PXN: variants seen among roughly 807,000 people sequenced by gnomAD.
The protein encoded by PXN is testicular tissue protein Li 134.
PXN carries 61 observed loss-of-function variants against 103.6 expected under a neutral mutation model. The ratio of observed to expected loss-of-function variants is 0.59; its 90% CI spans 0.48 to 0.73. The LOEUF (loss-of-function observed/expected upper bound fraction) is 0.73. Ranked by LOEUF, PXN falls within the 30% of genes least tolerant of loss-of-function variation. PXN has a pLI of 0.00. For missense variants in PXN, 1,274 were observed against 1,460.3 expected, an observed-to-expected ratio of 0.87 and a Z score of 2.08; for synonymous variants, 562 against 607.8, an observed-to-expected ratio of 0.92 and a Z score of 1.11.
In PXN at chr12:120,215,788, C is replaced by A; in HGVS notation, c.2302-127G>T. ...GAGGGTTTCTCCCCCACCGGCAGGA[C>A]CAAAATTGGGGGAAAAAATCTGGAG... is the stretch of plus-strand genomic sequence containing the variant. On this transcript the variant is annotated intron_variant, in intron 9 of 14. Coordinates refer to ENST00000637617, the MANE Select transcript of PXN (RefSeq NM_001385981.1). This position sits in a 1 kb window ranked among gnomAD's most constrained non-coding sequence, Gnocchi z 4.9. 2 of 1,283,806 alleles carry A rather than the reference C, an allele frequency of 1.6e-6. No individual in the cohort carries two copies. The highest frequency in any genetic ancestry group is 2.8e-5 in the East Asian group (1 of 36,104). The allele number at this position is 1,283,806 out of a possible 1,614,324, so 79.5% of individuals were successfully genotyped here.
rs186499466 is a variant in PXN at position 120,212,348 on chromosome 12, T to A, written c.3212A>T (p.Tyr1071Phe). ...GAGCTTGAGGAAGCAGTTCTGACAG[T>A]AAGGCTTGTCGTTCTGCTCCTTGAA... ...GTFKEQNDKP[Y>F]CQNCFLKLFC The change falls in exon 15 of 15, where the codon TAC becomes TTC. Residue 1071 changes from tyrosine (Y) to phenylalanine (F), a missense_variant. This residue lies in a region of PXN where 96 missense variants were observed against 151.3 expected (regional missense o/e 0.63). Coordinates refer to ENST00000637617, the MANE Select transcript of PXN (RefSeq NM_001385981.1). This position sits in a 1 kb window ranked among gnomAD's most constrained non-coding sequence, Gnocchi z 7.2. 3 of 1,613,908 alleles carry A rather than the reference T, an allele frequency of 1.9e-6. No individual in the cohort carries two copies. Among genetic ancestry groups the A allele is most frequent in the Non-Finnish European group, 2.5e-6 (3 of 1,179,878 alleles).
rs571058484 is a variant in PXN, at chr12:120,212,992, G to A, written c.2980-412C>T. On this transcript the variant is annotated intron_variant, in intron 14 of 14. Coordinates refer to ENST00000637617, the MANE Select transcript of PXN (RefSeq NM_001385981.1). The surrounding 1 kb of genome is among the most constrained non-coding windows in gnomAD (Gnocchi z 7.2). ...AGCACTTAGCCAGGTGGCTGTAACA[G>A]TGTTCCCAGAAACACAGGTGTGACA... 6.1e-6 allele frequency: 1 copy of A among 165,016 alleles called. No individual in the cohort carries two copies. Among genetic ancestry groups the A allele is most frequent in the East Asian group, 1.8e-4 (1 of 5,644 alleles). 10.2% of individuals were successfully genotyped at this position (165,016 alleles called of 1,614,324 possible). A position where few individuals can be genotyped will look rare whatever the true frequency, so the allele number is the denominator to read the frequency against.
chr12:120,236,473 G>T (rs1426269584), intron 1 of PXN, among the ~76,000 whole-genome samples: 2 of 146,948 alleles, frequency 1.4e-5, no homozygotes, highest in East Asian at 4.2e-4. Flanking sequence ...ATGCCCAGAT[G>T]ATCTTTTTTT....
chr12:120,250,986 T>C (rs1323521245), intron 1 of PXN, among the ~76,000 whole-genome samples: 1 of 152,112 alleles, frequency 6.6e-6, no homozygotes, highest in Admixed American at 6.5e-5. Flanking sequence ...AGCAGATCAC[T>C]TGAGGCCAGG....
intron 1 of PXN, among the ~76,000 whole-genome samples, chr12:120,255,625 C>T (rs1892876771): frequency 6.6e-6 from 1 of 151,850 alleles, no homozygotes; most frequent in Admixed American, 6.6e-5. Flanking sequence ...ACCCGGGAGG[C>T]GGAGGTTGCA....
chr12:120,216,634 C>T lies in PXN; in HGVS notation c.1993-53G>A. On this transcript the variant is annotated intron_variant, in intron 8 of 14. Transcript: ENST00000637617. This position sits in a 1 kb window ranked among gnomAD's most constrained non-coding sequence, Gnocchi z 5.1. ...TGAGGAAGAAATCGCCAGCTCAGCC[C>T]ACAGGGGTGGCGGGACCTCCCCAGG... The T allele has an allele frequency of 6.5e-7, 1 of 1,542,794 alleles. No individual in the cohort carries two copies. The highest frequency in any genetic ancestry group is 8.6e-7 in the Non-Finnish European group (1 of 1,161,824).
At chr12:120,245,012 AT>A (rs1462606797) in intron 1 of PXN, among the ~76,000 whole-genome samples, 5 of 151,868 alleles carry the variant, frequency 3.3e-5, no homozygotes, top group Non-Finnish European at 7.4e-5. Flanking sequence ...GGCTCAGGGC[AT>A]AGGAATGAGG....
chr12:120,263,612 A>G (rs143407620), intron 1 of PXN, among the ~76,000 whole-genome samples: 54 of 152,332 alleles, frequency 3.5e-4, no homozygotes, highest in African/African-American at 1.2e-3. Context: ...GGCTTTCTCA[A>G]TCTGTAAAAA....
At chr12:120,241,861 C>G (rs951782063) in intron 1 of PXN, among the ~76,000 whole-genome samples, 1 of 152,198 alleles carries the variant, frequency 6.6e-6, no homozygotes, top group Admixed American at 6.5e-5. Context: ...TTACATCACT[C>G]AGGCAGGGGA....
At position 120,213,479 on chromosome 12, in the gene PXN, C is replaced by T. The variant is rs1322620594; in HGVS notation, c.2979+363G>A. Among the ~76,000 whole-genome samples, 2 of 152,252 alleles carry T rather than the reference C, an allele frequency of 1.3e-5. No individual in the cohort carries two copies. The highest frequency in any genetic ancestry group is 2.4e-5 in the African/African-American group (1 of 41,474). On this transcript the variant is annotated intron_variant, in intron 14 of 14. Transcript: ENST00000637617. This position sits in a 1 kb window ranked among gnomAD's most constrained non-coding sequence, Gnocchi z 4.2. ...GAGCCCTTGTTGAATCATTAATAAC[C>T]CCTGTGGGGCCCCCAGAATGCAGTG...
At position 120,211,438 on chromosome 12, in the gene PXN, G is replaced by A. The variant is rs1449128145; in HGVS notation, c.*876C>T. On this transcript the variant is annotated 3_prime_UTR_variant, in exon 15 of 15. Coordinates refer to ENST00000637617, the MANE Select transcript of PXN (RefSeq NM_001385981.1). ...AATTGCTTCCCCACCCCAACCCTCA[G>A]TACAAAGCAAACTTCACACCAGAGC... 2 of 163,120 alleles carry A rather than the reference G, an allele frequency of 1.2e-5. No individual in the cohort carries two copies. Among genetic ancestry groups the A allele is most frequent in the East Asian group, 1.7e-4 (1 of 5,736 alleles). The allele number at this position is 163,120 out of a possible 1,614,324, so 10.1% of individuals were successfully genotyped here.
At chr12:120,226,323 T>C (rs1221530928) in intron 1 of PXN, 3 of 1,289,206 alleles carry the variant, frequency 2.3e-6, no homozygotes, top group Non-Finnish European at 3.0e-6. Context: ...GCTGCCATCC[T>C]TGAAGGCCCA....
rs1882512011 is a variant in PXN, at chr12:120,215,489, C to T, written c.2403+71G>A. ...CCACCAGGGTCGGAAAGGCTGAGGGCACCCAGCAGGCATGGCCAAGCCCAG... is the reference window on the plus strand; with the variant it reads ...CCACCAGGGTCGGAAAGGCTGAGGGTACCCAGCAGGCATGGCCAAGCCCAG... On this transcript the variant is annotated intron_variant, in intron 10 of 14. Transcript: ENST00000637617. The surrounding 1 kb of genome is among the most constrained non-coding windows in gnomAD (Gnocchi z 4.9). 3.3e-6 allele frequency: 5 copies of T among 1,508,714 alleles called. No homozygotes were observed. The highest frequency in any genetic ancestry group is 1.8e-4 in the Middle Eastern group (1 of 5,534). 93.5% of individuals were successfully genotyped at this position (1,508,714 alleles called of 1,614,324 possible). A position where few individuals can be genotyped will look rare whatever the true frequency, so the allele number is the denominator to read the frequency against.
Position 120,219,574 on chromosome 12 carries a change from G to A in PXN, c.1349C>T (p.Pro450Leu), listed in dbSNP as rs139275520. The A allele has an allele frequency of 1.3e-3, 2,032 of 1,572,158 alleles. 44 individuals are homozygous for A. In the East Asian group the frequency reaches 0.036, roughly 28 times the overall value. The part of the protein sequence containing the change: ...ASEVFGPERM[P>L]PSGAARSFQE... Reference sequence around the variant, plus strand: ...GAAGCTTCGAGCAGCTCCAGAGGGGGGCATTCTCTCAGGCCCGAATACCTC... The same window carrying A: ...GAAGCTTCGAGCAGCTCCAGAGGGGAGCATTCTCTCAGGCCCGAATACCTC... Residue 450 changes from proline (P) to leucine (L), a missense_variant, in exon 7 of 15, where the codon CCC becomes CTC. Pro to Leu is a moderately conservative substitution (Grantham distance 98, BLOSUM62 -3). Transcript: ENST00000637617. This position sits in a 1 kb window ranked among gnomAD's most constrained non-coding sequence, Gnocchi z 6.5.
rs1241615876 is a variant in PXN at position 120,265,221 on chromosome 12, G to A, written c.13+396C>T. Among the ~76,000 whole-genome samples the A allele has an allele frequency of 1.3e-5, 2 of 151,896 alleles. No individual in the cohort carries two copies. Among genetic ancestry groups the A allele is most frequent in the Admixed American group, 1.3e-4 (2 of 15,268 alleles). On this transcript the variant is annotated intron_variant, in intron 1 of 14. Transcript: ENST00000637617. The surrounding 1 kb of genome is among the most constrained non-coding windows in gnomAD (Gnocchi z 5.7). The stretch of plus-strand genomic sequence containing the variant: ...GGCGGTCGATCTGTGAGGTGGGGGT[G>A]GGGAGAGGTCTGCGAGGTGAGGGTC...
chr12:120,253,905 G>T (rs113742354), intron 1 of PXN, among the ~76,000 whole-genome samples: 1 of 151,894 alleles, frequency 6.6e-6, no homozygotes, highest in Non-Finnish European at 1.5e-5. Context: ...TTTTGAGATC[G>T]AGTCTTTCTC....
chr12:120,236,643 A>T (rs1889119136), intron 1 of PXN, among the ~76,000 whole-genome samples: 1 of 151,508 alleles, frequency 6.6e-6, no homozygotes, highest in Non-Finnish European at 1.5e-5. Flanking sequence ...CACCCAGCTA[A>T]TTTTTGTATT....
chr12:120,252,423 C>G (rs1186459098), intron 1 of PXN, among the ~76,000 whole-genome samples: 1 of 152,006 alleles, frequency 6.6e-6, no homozygotes, highest in East Asian at 1.9e-4. Flanking sequence ...GGGAAAAAAG[C>G]CTTCTCAAAA....
In PXN at chr12:120,221,008, C is replaced by T. The variant is rs1415472848; in HGVS notation, c.831+615G>A. 6.6e-6 allele frequency among the ~76,000 whole-genome samples: 1 copy of T among 152,164 alleles called. No homozygotes were observed. Among genetic ancestry groups the T allele is most frequent in the East Asian group, 1.9e-4 (1 of 5,184 alleles). ...TCAGGCCTGGCAGGACTGGGGAGGC[C>T]CAGCAGGGGAGGGGAAGGGCAGGTA... On this transcript the variant is annotated intron_variant, in intron 6 of 14. Transcript: ENST00000637617. The surrounding 1 kb of genome is among the most constrained non-coding windows in gnomAD (Gnocchi z 6.6).
Sources: allele counts gnomAD v4.1 joint callset (sites outside exome capture counted in the v4.1 genomes callset), GRCh38; gene constraint gnomAD v4.1.1; regional missense constraint gnomAD v4.1.1; non-coding constraint Gnocchi (gnomAD v3.1); transcripts MANE v1.5; gene names NCBI Gene and HGNC (gene_info 2026-07-23, HGNC 2026-07-21).